The following ASTN2 variants were observed in gnomAD, a reference collection of about 807,000 sequenced individuals.
The protein encoded by ASTN2 is astrotactin-2.
A neutral mutation model predicts 139.8 loss-of-function variants in ASTN2; 54 were observed. That is an observed-to-expected ratio of 0.39 (90% CI 0.31 to 0.48). The LOEUF (loss-of-function observed/expected upper bound fraction) is 0.48, where lower values mean the gene tolerates loss of function less well. ASTN2 is among the 20% of genes least tolerant of loss of function. The pLI, the probability that ASTN2 is intolerant of heterozygous loss-of-function variation, is 0.95. For synonymous variants in ASTN2, 756 were observed against 719.5 expected, an observed-to-expected ratio of 1.05 and a Z score of -0.81; for missense variants, 1,565 against 1,725.1, an observed-to-expected ratio of 0.91 and a Z score of 1.64.
chr9:116,902,191 T>A (rs1406860959), intron 10 of ASTN2, among the ~76,000 whole-genome samples: 1 of 152,176 alleles, frequency 6.6e-6, no homozygotes, highest in East Asian at 1.9e-4. Flanking sequence ...CCCAGAAGAC[T>A]TTCCAGTGGG....
chr9:117,379,338 G>A (rs1379876494), intron 1 of ASTN2, among the ~76,000 whole-genome samples: 4 of 152,190 alleles, frequency 2.6e-5, no homozygotes, highest in Non-Finnish European at 4.4e-5. Flanking sequence ...TGTTCATTTC[G>A]GCTGGTGAGG....
Position 117,124,755 on chromosome 9 carries a change from C to T in ASTN2, c.1168+16571G>A, listed in dbSNP as rs554604522. Among the ~76,000 whole-genome samples the T allele has an allele frequency of 3.3e-5, 5 of 151,546 alleles. No homozygotes were observed. In the East Asian group the frequency reaches 7.8e-4, roughly 24 times the overall value. On this transcript the variant is annotated intron_variant, in intron 4 of 22. Transcript: ENST00000313400. ...CAGAGGTTGAGGCTGTAGCGAGCCA[C>T]CGTTGCACCACTGCATTCCAGCATG... is the stretch of plus-strand genomic sequence containing the variant.
chr9:116,910,066 A>AGCCCACCATGGTGAAAG (rs61085720), intron 10 of ASTN2, among the ~76,000 whole-genome samples: 6,734 of 152,166 alleles, frequency 0.044, 483 homozygotes, highest in African/African-American at 0.15. Context: ...GCAGGAGCAA[A>AGCCCACCATGGTGAAAG]GCCCACCATG....
At position 117,214,759 on chromosome 9, in the gene ASTN2, G is replaced by A; in HGVS notation, c.631-17C>T. The stretch of plus-strand genomic sequence containing the variant: ...GAGGCCACCCTGGAGCAGGAAGGAA[G>A]GACACACAAATGGGCCACTGTTCTT... On this transcript the variant is annotated splice_polypyrimidine_tract_variant and intron_variant, in intron 2 of 22. Transcript: ENST00000313400. The A allele has an allele frequency of 6.8e-7, 1 of 1,470,678 alleles. No homozygotes were observed. Among genetic ancestry groups the A allele is most frequent in the African/African-American group, 1.4e-5 (1 of 71,392 alleles). The allele number at this position is 1,470,678 out of a possible 1,614,324, so 91.1% of individuals were successfully genotyped here.
At chr9:116,561,230 C>G (rs2131663156) in intron 19 of ASTN2, among the ~76,000 whole-genome samples, 1 of 152,248 alleles carries the variant, frequency 6.6e-6, no homozygotes, top group East Asian at 1.9e-4. Flanking sequence ...TGGTCATCTT[C>G]TTATGTCTGT....
At chr9:116,735,821 C>G (rs998357728) in intron 13 of ASTN2, among the ~76,000 whole-genome samples, 1 of 152,232 alleles carries the variant, frequency 6.6e-6, no homozygotes, top group Non-Finnish European at 1.5e-5. Flanking sequence ...TCTGCCCACA[C>G]TGCATCCTAG....
intron 2 of ASTN2, among the ~76,000 whole-genome samples, chr9:117,253,729 T>G (rs1347710269): frequency 6.6e-6 from 1 of 152,160 alleles, no homozygotes; most frequent in Non-Finnish European, 1.5e-5. Context: ...CAATATCTGA[T>G]GGTGTCAAAG....
chr9:116,487,576 T>C, intron 19 of ASTN2, 76 bp from the exon 20 acceptor site: 1 of 1,403,526 alleles, frequency 7.1e-7, no homozygotes, highest in Non-Finnish European at 9.6e-7. Flanking sequence ...CATCCAAACC[T>C]ATCAAATGTC....
intron 19 of ASTN2, among the ~76,000 whole-genome samples, chr9:116,555,674 G>C (rs1018891564): frequency 7.2e-5 from 11 of 152,122 alleles, no homozygotes; most frequent in African/African-American, 2.7e-4. Context: ...AGGAAAGGAT[G>C]ATGGATTTTT....
intron 4 of ASTN2, among the ~76,000 whole-genome samples, chr9:117,120,228 C>T (rs745714541): frequency 6.6e-5 from 10 of 151,836 alleles, no homozygotes; most frequent in Middle Eastern, 3.4e-3. Flanking sequence ...CCTTCCCACA[C>T]GTGTTCTGAG....
intron 10 of ASTN2, among the ~76,000 whole-genome samples, chr9:116,946,592 G>A (rs1034550627): frequency 3.9e-5 from 6 of 152,290 alleles, no homozygotes; most frequent in Admixed American, 1.3e-4. Context: ...CCATAAAATA[G>A]AAACAGGGAA....
At chr9:117,134,279 TATATATATATATATATACACACAC>T (rs1829893020) in intron 4 of ASTN2, among the ~76,000 whole-genome samples, 1 of 74,432 alleles carries the variant, frequency 1.3e-5, no homozygotes, top group African/African-American at 4.7e-5. Context: ...TATATATATA[TATATATATATATATATACACACAC>T]ACACACACAC....
rs1240425057 is a variant in ASTN2 at position 116,781,272 on chromosome 9, G to A, written c.2396+24360C>T. The stretch of plus-strand genomic sequence containing the variant: ...GGCCTTGTCTTGGAAAGATGGTGAT[G>A]CAGACAGAGTGACTATGATAACCAA... On this transcript the variant is annotated intron_variant, in intron 13 of 22. Coordinates refer to ENST00000313400, the MANE Select transcript of ASTN2 (RefSeq NM_001365068.1). Among the ~76,000 whole-genome samples, 3 of 152,178 alleles carry A rather than the reference G, an allele frequency of 2.0e-5. No individual in the cohort carries two copies. The East Asian group carries it at 5.8e-4, about 29-fold the overall frequency.
chr9:116,715,616 C>T (rs1171043459), intron 16 of ASTN2, among the ~76,000 whole-genome samples: 1 of 152,146 alleles, frequency 6.6e-6, no homozygotes, highest in Non-Finnish European at 1.5e-5. Flanking sequence ...CCTCCATACA[C>T]ATGCACACTT....
intron 4 of ASTN2, among the ~76,000 whole-genome samples, chr9:117,107,155 G>C (rs1028976368): frequency 7.2e-5 from 11 of 152,018 alleles, no homozygotes; most frequent in Non-Finnish European, 1.6e-4. Context: ...TGCCTGAAAA[G>C]TTCTACTATT....
chr9:116,871,061 A>G (rs1031456073), intron 10 of ASTN2, among the ~76,000 whole-genome samples: 2 of 152,124 alleles, frequency 1.3e-5, no homozygotes, highest in African/African-American at 4.8e-5. Context: ...GATCGAGACC[A>G]TCCTGGCTAA....
intron 1 of ASTN2, among the ~76,000 whole-genome samples, chr9:117,315,144 A>G (rs913406139): frequency 1.3e-5 from 2 of 152,082 alleles, no homozygotes; most frequent in Non-Finnish European, 2.9e-5. Flanking sequence ...TGCTAAAACT[A>G]TAAGTGATTA....
intron 20 of ASTN2, among the ~76,000 whole-genome samples, chr9:116,458,515 T>G (rs1023973763): frequency 6.6e-6 from 1 of 151,458 alleles, no homozygotes; most frequent in Non-Finnish European, 1.5e-5. Flanking sequence ...CCATAAAAAT[T>G]CGAAATAAAA....
At chr9:117,180,635 T>TA in intron 3 of ASTN2, 1 of 1,359,716 alleles carries the variant, frequency 7.4e-7, no homozygotes, top group Non-Finnish European at 9.9e-7. Flanking sequence ...ATCTTTTTTT[T>TA]TTTTTTTTTG....
Sources: gnomAD v4.1 joint callset for allele counts (sites outside exome capture counted in the v4.1 genomes callset) on GRCh38, gnomAD v4.1.1 for gene constraint, MANE v1.5 for transcripts, NCBI Gene and HGNC (gene_info 2026-07-23, HGNC 2026-07-21) for gene names.